Variants in VSTM2B observed in about 807,000 individuals in gnomAD.
The protein encoded by VSTM2B is V-set and transmembrane domain-containing protein 2B.
A neutral mutation model predicts 24.0 loss-of-function variants in VSTM2B; 24 were observed. The ratio of observed to expected loss-of-function variants is 1.00; its 90% confidence interval spans 0.72 to 1.40. The LOEUF is 1.40. VSTM2B is among the 40% of genes most tolerant of loss of function. VSTM2B has a pLI of 0.00. For missense variants in VSTM2B, 399 were observed against 416.4 expected (o/e 0.96, Z 0.36); for synonymous variants, 226 against 194.4 (o/e 1.16, Z -1.35).
intron 4 of VSTM2B, among the ~76,000 whole-genome samples, chr19:29,539,658 G>T (rs1444180394): frequency 6.6e-6 from 1 of 152,214 alleles, no homozygotes; most frequent in Non-Finnish European, 1.5e-5. Context: ...CCTGCATTTT[G>T]CTTTTCATGT....
chr19:29,527,467 G>T, intron 2 of VSTM2B, 72 bp downstream of exon 2: 1 of 1,324,760 alleles, frequency 7.5e-7, no homozygotes. Context: ...AACCCAGGGA[G>T]GGAAGCAGCG....
At chr19:29,558,082 A>G (rs949861480) in intron 4 of VSTM2B, among the ~76,000 whole-genome samples, 1 of 152,088 alleles carries the variant, frequency 6.6e-6, no homozygotes, top group African/African-American at 2.4e-5. Context: ...GCAGCCAACA[A>G]ACATGTATAT....
chr19:29,547,102 G>A (rs963233836), intron 4 of VSTM2B, among the ~76,000 whole-genome samples: 4 of 152,298 alleles, frequency 2.6e-5, no homozygotes, highest in African/African-American at 9.6e-5. Flanking sequence ...TGGGCTGCCA[G>A]ATTTAGCAAA....
chr19:29,558,846 C>T (rs1263214915), intron 4 of VSTM2B, among the ~76,000 whole-genome samples: 6 of 152,202 alleles, frequency 3.9e-5, no homozygotes, highest in Non-Finnish European at 7.4e-5. Flanking sequence ...ACATCATGCA[C>T]AAGTGTCCCA....
At chr19:29,557,240 A>T (rs1364947806) in intron 4 of VSTM2B, among the ~76,000 whole-genome samples, 1 of 152,238 alleles carries the variant, frequency 6.6e-6, no homozygotes, top group East Asian at 1.9e-4. Flanking sequence ...TAAGACGCAC[A>T]TCTGCAACCA....
chr19:29,541,014 C>A (rs1003179328), intron 4 of VSTM2B, among the ~76,000 whole-genome samples: 1 of 152,102 alleles, frequency 6.6e-6, no homozygotes, highest in Non-Finnish European at 1.5e-5. Context: ...AAAGGTCCTG[C>A]GGCAAGAGGG....
At chr19:29,534,941 C>A (rs561760774) in intron 4 of VSTM2B, among the ~76,000 whole-genome samples, 2 of 152,194 alleles carry the variant, frequency 1.3e-5, no homozygotes, top group African/African-American at 4.8e-5. Flanking sequence ...AGCCCTCATC[C>A]ATTAGCTACC....
chr19:29,534,411 T>C (rs757186444), intron 4 of VSTM2B, among the ~76,000 whole-genome samples: 8 of 152,102 alleles, frequency 5.3e-5, no homozygotes, highest in Non-Finnish European at 1.0e-4. Context: ...GCTGAGGACC[T>C]GGGGGCACTG....
intron 4 of VSTM2B, among the ~76,000 whole-genome samples, chr19:29,544,496 A>C (rs1194820376): frequency 1.6e-5 from 2 of 123,936 alleles, no homozygotes; most frequent in Non-Finnish European, 3.2e-5. Flanking sequence ...ACTGCACTCC[A>C]GCCTGGGCGA....
chr19:29,530,177 C>T lies in VSTM2B; in HGVS notation c.656C>T (p.Ala219Val), dbSNP rs1352440420. The T allele has an allele frequency of 2.0e-6, 3 of 1,488,892 alleles. No individual in the cohort carries two copies. The highest frequency in any genetic ancestry group is 2.7e-6 in the Non-Finnish European group (3 of 1,126,742). 92.2% of individuals were successfully genotyped at this position (1,488,892 alleles called of 1,614,324 possible). Residue 219 changes from alanine (A) to valine (V), a missense_variant, in exon 4 of 5, where the codon GCG becomes GTG. Ala to Val is a moderately conservative substitution (Grantham distance 64). Transcript: ENST00000335523. ...AAIDPAVPEA[A>V]AASAAHTPTT... ...ATCGATCCCGCAGTCCCCGAGGCCG[C>T]GGCAGCCTCGGCGGCCCACACGCCC...
At chr19:29,555,338 C>T (rs1970381625) in intron 4 of VSTM2B, among the ~76,000 whole-genome samples, 1 of 152,116 alleles carries the variant, frequency 6.6e-6, no homozygotes, top group Admixed American at 6.5e-5. Context: ...AGACAGAAAT[C>T]AAGAAGTTAT....
intron 4 of VSTM2B, among the ~76,000 whole-genome samples, chr19:29,533,760 A>T (rs1015461086): frequency 6.6e-6 from 1 of 152,238 alleles, no homozygotes; most frequent in Admixed American, 6.5e-5. Flanking sequence ...GATGGGCATT[A>T]GTAACCTTTC....
At chr19:29,550,315 G>C (rs1451094708) in intron 4 of VSTM2B, among the ~76,000 whole-genome samples, 2 of 152,194 alleles carry the variant, frequency 1.3e-5, no homozygotes, top group African/African-American at 4.8e-5. Context: ...TGTGCCTGTA[G>C]TCCCAGCTAC....
At position 29,564,231 on chromosome 19, in the gene VSTM2B, C is replaced by A; in HGVS notation, c.*297C>A. On this transcript the variant is annotated 3_prime_UTR_variant, in exon 5 of 5. Transcript: ENST00000335523. ...TTTCCCTCCAAGTCTTCATTTTGCA[C>A]GAACTGTTGAGCAGTTATCTTTAGG... 3.5e-6 allele frequency: 1 copy of A among 287,918 alleles called. No individual in the cohort carries two copies. Among genetic ancestry groups the A allele is most frequent in the East Asian group, 8.2e-5 (1 of 12,238 alleles). 17.8% of individuals were successfully genotyped at this position (287,918 alleles called of 1,614,324 possible). A position where few individuals can be genotyped will look rare whatever the true frequency, so the allele number is the denominator to read the frequency against.
At chr19:29,548,498 A>G (rs562896668) in intron 4 of VSTM2B, among the ~76,000 whole-genome samples, 2 of 152,344 alleles carry the variant, frequency 1.3e-5, no homozygotes, top group East Asian at 3.9e-4. Context: ...TTAGTGTTCA[A>G]TTATTCCTCG....
At position 29,526,560 on chromosome 19, in the gene VSTM2B, C is replaced by A; in HGVS notation, c.-24C>A. The A allele has an allele frequency of 6.7e-7, 1 of 1,499,070 alleles. No individual in the cohort carries two copies. 92.9% of individuals were successfully genotyped at this position (1,499,070 alleles called of 1,614,324 possible). On this transcript the variant is annotated 5_prime_UTR_variant, in exon 1 of 5. Transcript: ENST00000335523. The surrounding 1 kb of genome is among the most constrained non-coding windows in gnomAD (Gnocchi z 4.1). ...CCGCCTCTCCGCTCCCGGGCCCCCG[C>A]CGCCACCGCGCCCCCCGCGGGAGAT... is the stretch of plus-strand genomic sequence containing the variant.
At chr19:29,543,750 C>G (rs1453673884) in intron 4 of VSTM2B, among the ~76,000 whole-genome samples, 1 of 152,188 alleles carries the variant, frequency 6.6e-6, no homozygotes, top group African/African-American at 2.4e-5. Flanking sequence ...TGAGGTACCC[C>G]CAGACAACTG....
rs1970580671 is a variant in VSTM2B, at chr19:29,563,443, A to G, written c.770-403A>G. ...TTTTTTGTTGTGATGGGGTCTCACT[A>G]TGTTGCCCAGGCTGGTCTCAAGCTC... On this transcript the variant is annotated intron_variant, in intron 4 of 4. Coordinates refer to ENST00000335523, the MANE Select transcript of VSTM2B (RefSeq NM_001146339.2). 2.0e-5 allele frequency among the ~76,000 whole-genome samples: 3 copies of G among 151,816 alleles called. No homozygotes were observed. In the South Asian group the frequency reaches 6.2e-4, roughly 31 times the overall value.
intron 4 of VSTM2B, among the ~76,000 whole-genome samples, chr19:29,531,973 C>T (rs1969771860): frequency 1.3e-5 from 2 of 152,342 alleles, no homozygotes; most frequent in East Asian, 3.9e-4. Context: ...GCCAGCAGAC[C>T]AGTGAGGAGA....
Sources: gnomAD v4.1 joint callset for allele counts (sites outside exome capture counted in the v4.1 genomes callset) on GRCh38, gnomAD v4.1.1 for gene constraint, Gnocchi (gnomAD v3.1) non-coding constraint, MANE v1.5 for transcripts, NCBI Gene and HGNC (gene_info 2026-07-23, HGNC 2026-07-21) for gene names.